ARFGEF3: variants seen among roughly 807,000 people sequenced by gnomAD.
ARFGEF3 encodes ARFGEF family member 3.
In ARFGEF3, 96 loss-of-function variants were observed where a neutral mutation model predicts 221.7. The ratio of observed to expected loss-of-function variants is 0.43; its 90% confidence interval spans 0.37 to 0.51. ARFGEF3 has a LOEUF of 0.51. ARFGEF3 is among the 20% of genes least tolerant of loss of function. ARFGEF3 has a pLI of 0.00. For missense variants in ARFGEF3, 2,410 were observed against 2,789.9 expected (o/e 0.86, Z 3.07); for synonymous variants, 1,145 against 1,126.8 (o/e 1.02, Z -0.32).
At chr6:138,319,056 C>A (rs1469659621) in intron 27 of ARFGEF3, among the ~76,000 whole-genome samples, 1 of 150,924 alleles carries the variant, frequency 6.6e-6, no homozygotes, top group African/African-American at 2.5e-5. Flanking sequence ...TGGGCTCAAG[C>A]GATCCTTCCA....
Position 138,340,696 on chromosome 6 carries a change from TAAGA to T in ARFGEF3, c.*4213_*4216del, listed in dbSNP as rs1780414339. 1 of 152,142 alleles carries T rather than the reference TAAGA, an allele frequency of 6.6e-6. No homozygotes were observed. 9.4% of individuals were successfully genotyped at this position (152,142 alleles called of 1,614,324 possible). A position where few individuals can be genotyped will look rare whatever the true frequency, so the allele number is the denominator to read the frequency against. On this transcript the variant is annotated 3_prime_UTR_variant, in exon 34 of 34. Transcript: ENST00000251691. ...GAGGGGAACACAGACCCAGAGAGGT[TAAGA>T]AATTTGCCCAAGATAACAAGTAAAA...
chr6:138,264,471 G>A (rs1778850460), intron 12 of ARFGEF3, among the ~76,000 whole-genome samples: 2 of 152,118 alleles, frequency 1.3e-5, no homozygotes, highest in Non-Finnish European at 1.5e-5. Flanking sequence ...AGAATACTGG[G>A]GCAAATGAAT....
intron 12 of ARFGEF3, among the ~76,000 whole-genome samples, chr6:138,265,194 C>T (rs992577022): frequency 2.0e-4 from 31 of 152,116 alleles, no homozygotes; most frequent in African/African-American, 2.4e-4. Flanking sequence ...TGAGCCACTG[C>T]GCCCGGCTGG....
intron 5 of ARFGEF3, among the ~76,000 whole-genome samples, chr6:138,237,124 G>A (rs911247775): frequency 1.3e-5 from 2 of 151,858 alleles, no homozygotes; most frequent in Admixed American, 6.6e-5. Flanking sequence ...GGTAAACATA[G>A]TGAGGCATGG....
intron 12 of ARFGEF3, among the ~76,000 whole-genome samples, chr6:138,269,844 A>G (rs1449751073): frequency 6.6e-6 from 1 of 152,106 alleles, no homozygotes; most frequent in Non-Finnish European, 1.5e-5. Context: ...ATTACTACAA[A>G]AGGAAAGAGA....
Position 138,263,486 on chromosome 6 carries a change from C to T in ARFGEF3, c.2003C>T (p.Ala668Val), listed in dbSNP as rs145746277. The change falls in exon 12 of 34, where the codon GCG becomes GTG. Residue 668 changes from alanine to valine, a missense_variant. Ala to Val is a moderately conservative substitution (Grantham distance 64, BLOSUM62 0). Coordinates refer to ENST00000251691, the MANE Select transcript of ARFGEF3 (RefSeq NM_020340.5). Reference sequence around the variant, plus strand: ...CTAAAACTGCTGAAGAACCAGGAGGCGGATCAGCACAGCGCCAGGCTGTTC... The same window carrying T: ...CTAAAACTGCTGAAGAACCAGGAGGTGGATCAGCACAGCGCCAGGCTGTTC... ...LSLKLLKNQE[A>V]DQHSARLFIQ... 2.9e-5 allele frequency: 47 copies of T among 1,613,746 alleles called. No homozygotes were observed. The highest frequency in any genetic ancestry group is 3.4e-5 in the Non-Finnish European group (40 of 1,179,906).
At chr6:138,192,437 A>G (rs1400836847) in intron 2 of ARFGEF3, among the ~76,000 whole-genome samples, 1 of 152,232 alleles carries the variant, frequency 6.6e-6, no homozygotes, top group Non-Finnish European at 1.5e-5. Flanking sequence ...CAGTGAGCCA[A>G]GATCGCACCA....
chr6:138,277,885 A>G (rs974555789), intron 12 of ARFGEF3, among the ~76,000 whole-genome samples: 2 of 152,216 alleles, frequency 1.3e-5, no homozygotes, highest in African/African-American at 4.8e-5. Context: ...AATGGAATTA[A>G]AAGGGAAGGT....
At chr6:138,245,944 G>T (rs181767550) in intron 8 of ARFGEF3, among the ~76,000 whole-genome samples, 2 of 152,104 alleles carry the variant, frequency 1.3e-5, no homozygotes, top group African/African-American at 4.8e-5. Context: ...GCTGTGTCCC[G>T]GTGCCTGACT....
rs1477245593 is a variant in ARFGEF3 at position 138,163,958 on chromosome 6, T to C, written c.85+1787T>C. The stretch of plus-strand genomic sequence containing the variant: ...GTGTGAGCTGGTGGGGCTTTTGAAG[T>C]AGATTTCACTTGAAGAATGGGGAAG... On this transcript the variant is annotated intron_variant, in intron 1 of 33. Transcript: ENST00000251691. Among the ~76,000 whole-genome samples, 3 of 152,100 alleles carry C rather than the reference T, an allele frequency of 2.0e-5. No homozygotes were observed. The East Asian group carries it at 5.8e-4, about 29-fold the overall frequency.
chr6:138,255,671 G>A lies in ARFGEF3; in HGVS notation c.1006G>A (p.Val336Met). 6.2e-7 allele frequency: 1 copy of A among 1,613,652 alleles called. No homozygotes were observed. The highest frequency in any genetic ancestry group is 8.5e-7 in the Non-Finnish European group (1 of 1,179,764). Reference protein sequence around the residue: ...AAELVRLVGSVDSMKPVLQSL... With the variant: ...AAELVRLVGSMDSMKPVLQSL... Reference sequence around the variant, plus strand: ...CGAGCTGGTCCGGCTGGTGGGGTCTGTGGACTCCATGAAGCCCGTGCTCCA... The same window carrying A: ...CGAGCTGGTCCGGCTGGTGGGGTCTATGGACTCCATGAAGCCCGTGCTCCA... The change falls in exon 10 of 34, where the codon GTG (valine) becomes ATG (methionine). Residue 336 changes from valine (V) to methionine (M), a missense_variant. By Grantham distance (21) the Val-to-Met change is conservative. This residue lies in a region of ARFGEF3 where 570 missense variants were observed against 586.9 expected (regional missense o/e 0.97). Coordinates refer to ENST00000251691, the MANE Select transcript of ARFGEF3 (RefSeq NM_020340.5).
chr6:138,251,836 T>C (rs550335094), intron 8 of ARFGEF3, among the ~76,000 whole-genome samples: 2 of 152,208 alleles, frequency 1.3e-5, no homozygotes, highest in Admixed American at 1.3e-4. Flanking sequence ...GAACCTTGCG[T>C]TAAGGTATTC....
At chr6:138,281,817 G>A (rs74715891) in intron 14 of ARFGEF3, among the ~76,000 whole-genome samples, 6,546 of 152,156 alleles carry the variant, frequency 0.043, 192 homozygotes, top group Non-Finnish European at 0.066. Context: ...ATTGTGGCTC[G>A]GCCATAATGC....
rs1216375211 is a variant in ARFGEF3, at chr6:138,161,963, G to A, written c.-124G>A. On this transcript the variant is annotated 5_prime_UTR_variant, in exon 1 of 34. Transcript: ENST00000251691. ...CGTGATTCATCAGCATCCGCGCCGG[G>A]GCGGCATGGGGGCGCGCGCGGCGGC... is the stretch of plus-strand genomic sequence containing the variant. 3.1e-6 allele frequency: 1 copy of A among 327,490 alleles called. No individual in the cohort carries two copies. Among genetic ancestry groups the A allele is most frequent in the Non-Finnish European group, 5.2e-6 (1 of 193,440 alleles). The allele number at this position is 327,490 out of a possible 1,614,324, so 20.3% of individuals were successfully genotyped here.
At position 138,307,408 on chromosome 6, in the gene ARFGEF3, T is replaced by C; in HGVS notation, c.3973+11T>C. On this transcript the variant is annotated intron_variant, in intron 23 of 33. Coordinates refer to ENST00000251691, the MANE Select transcript of ARFGEF3 (RefSeq NM_020340.5). ...GTGACTACTCCATGGGTAAGAATGT[T>C]TGGATGATTCTTGCTATTCAGCATT... The C allele has an allele frequency of 6.2e-7, 1 of 1,611,412 alleles. No individual in the cohort carries two copies. Among genetic ancestry groups the C allele is most frequent in the Non-Finnish European group, 8.5e-7 (1 of 1,177,948 alleles).
chr6:138,317,196 T>A, intron 26 of ARFGEF3, 55 bp from the exon 27 acceptor site: 2 of 1,584,090 alleles, frequency 1.3e-6, no homozygotes, highest in East Asian at 2.2e-5. Context: ...GATCTTGAGA[T>A]GATTATTCAT....
chr6:138,275,941 T>G (rs979041076), intron 12 of ARFGEF3, among the ~76,000 whole-genome samples: 1 of 152,210 alleles, frequency 6.6e-6, no homozygotes, highest in Non-Finnish European at 1.5e-5. Flanking sequence ...TATTAAAGAA[T>G]AATTTTACAC....
rs111685060 is a variant in ARFGEF3 at position 138,255,057 on chromosome 6, G to C, written c.771-379G>C. Among the ~76,000 whole-genome samples, 38 of 152,286 alleles carry C rather than the reference G, an allele frequency of 2.5e-4. No individual in the cohort carries two copies. The South Asian group carries it at 3.9e-3, about 16-fold the overall frequency. On this transcript the variant is annotated intron_variant, in intron 9 of 33. Transcript: ENST00000251691. Reference sequence around the variant, plus strand: ...GTTGTTCTGGGTCCCTGGGCTTATCGACAGGAAGGAAGCCAAATGATAGGT... The same window carrying C: ...GTTGTTCTGGGTCCCTGGGCTTATCCACAGGAAGGAAGCCAAATGATAGGT...
chr6:138,314,480 C>T (rs1333316158), intron 26 of ARFGEF3, among the ~76,000 whole-genome samples: 1 of 152,160 alleles, frequency 6.6e-6, no homozygotes, highest in Non-Finnish European at 1.5e-5. Context: ...ACATTAATGC[C>T]ATCCCAATAG....
Sources: gnomAD v4.1 joint callset for allele counts (sites outside exome capture counted in the v4.1 genomes callset) on GRCh38, gnomAD v4.1.1 for gene constraint, gnomAD v4.1.1 regional missense constraint, MANE v1.5 for transcripts, NCBI Gene and HGNC (gene_info 2026-07-23, HGNC 2026-07-21) for gene names.